ADAM32: variants seen among roughly 807,000 people sequenced by gnomAD.
ADAM32 encodes the protein ADAM metallopeptidase domain 32.
In ADAM32, 89 loss-of-function variants were observed where a neutral mutation model predicts 114.9. The observed-to-expected ratio is 0.77, with a 90% CI of 0.65 to 0.92. The LOEUF (loss-of-function observed/expected upper bound fraction) is 0.92. Among genes scored for constraint, ADAM32 ranks in the 40% least tolerant of loss-of-function variants. ADAM32 has a pLI of 0.00. For synonymous variants in ADAM32, 285 were observed against 307.5 expected, an observed-to-expected ratio of 0.93 and a Z score of 0.77; for missense variants, 870 against 932.8, an observed-to-expected ratio of 0.93 and a Z score of 0.88.
At chr8:39,161,229 C>T (rs1292586888) in intron 7 of ADAM32, among the ~76,000 whole-genome samples, 1 of 152,216 alleles carries the variant, frequency 6.6e-6, no homozygotes, top group African/African-American at 2.4e-5. Context: ...TAGAGTCCCT[C>T]TCAATCCATA....
chr8:39,220,018 G>T (rs1808843418), intron 12 of ADAM32, among the ~76,000 whole-genome samples: 1 of 152,024 alleles, frequency 6.6e-6, no homozygotes, highest in Non-Finnish European at 1.5e-5. Context: ...TTTCTGTCTT[G>T]GTGATCTGTC....
At chr8:39,237,495 GCA>G (rs1358356056) in intron 16 of ADAM32, among the ~76,000 whole-genome samples, 1 of 152,134 alleles carries the variant, frequency 6.6e-6, no homozygotes, top group Non-Finnish European at 1.5e-5. Context: ...TCAGCCCTGT[GCA>G]CCAGAGGCCT....
chr8:39,227,595 G>A (rs991953216), intron 14 of ADAM32, among the ~76,000 whole-genome samples: 2 of 152,130 alleles, frequency 1.3e-5, no homozygotes, highest in East Asian at 3.9e-4. Flanking sequence ...TGACTCAGCA[G>A]AGGCAGCCAT....
intron 2 of ADAM32, among the ~76,000 whole-genome samples, chr8:39,125,288 T>TA (rs1802046975): frequency 6.6e-6 from 1 of 152,050 alleles, no homozygotes; most frequent in Non-Finnish European, 1.5e-5. Flanking sequence ...TTTGTCTTGC[T>TA]AGGTTTTGGA....
rs1024126939 is a variant in ADAM32 at position 39,111,121 on chromosome 8, C to T, written c.58+3288C>T. On this transcript the variant is annotated intron_variant, in intron 1 of 24. Transcript: ENST00000379907. The stretch of plus-strand genomic sequence containing the variant: ...TAATATTTCATTGTATATATTCACC[C>T]GTTTGTTTACTGATTCATCAGTTGA... Among the ~76,000 whole-genome samples, 6 of 152,122 alleles carry T rather than the reference C, an allele frequency of 3.9e-5. No individual in the cohort carries two copies. In the East Asian group the frequency reaches 7.7e-4, roughly 20 times the overall value.
intron 2 of ADAM32, among the ~76,000 whole-genome samples, chr8:39,123,027 T>C (rs1421506699): frequency 6.6e-6 from 1 of 152,248 alleles, no homozygotes; most frequent in African/African-American, 2.4e-5. Flanking sequence ...TAAACTTTTG[T>C]ATATGGTGTG....
At chr8:39,130,710 TG>T (rs1189343459) in intron 2 of ADAM32, 1 of 278,976 alleles carries the variant, frequency 3.6e-6, no homozygotes, top group East Asian at 1.2e-4. Context: ...TCCTAGGTTT[TG>T]TCTCTTGTTG....
At chr8:39,142,464 C>A (rs956877839) in intron 3 of ADAM32, among the ~76,000 whole-genome samples, 46 of 152,168 alleles carry the variant, frequency 3.0e-4, no homozygotes, top group Non-Finnish European at 5.6e-4. Context: ...ACTTATGAAG[C>A]TTAATTTGGC....
chr8:39,179,581 G>C (rs1197280598), intron 10 of ADAM32, among the ~76,000 whole-genome samples: 1 of 152,144 alleles, frequency 6.6e-6, no homozygotes, highest in Non-Finnish European at 1.5e-5. Flanking sequence ...TGGTGACATG[G>C]GCTCATGAGG....
chr8:39,137,762 C>T (rs1328382337), intron 3 of ADAM32, among the ~76,000 whole-genome samples: 3 of 97,062 alleles, frequency 3.1e-5, no homozygotes, highest in Admixed American at 2.7e-4. Context: ...CAGAGTGAGA[C>T]ACTGTCTCAA....
chr8:39,160,860 T>G, intron 6 of ADAM32, 37 bp from the exon 7 acceptor site: 1 of 1,508,402 alleles, frequency 6.6e-7, no homozygotes, highest in Non-Finnish European at 8.9e-7. Context: ...AATTATGAAA[T>G]TTTTCATGTA....
rs1014364069 is a variant in ADAM32 at position 39,269,373 on chromosome 8, T to C, written c.2163-1503T>C. ...GTGAAATCAATTGTTTTATACATTTTGTCTGTATTTTTAGACATTCTGGCA... is the reference window on the plus strand; with the variant it reads ...GTGAAATCAATTGTTTTATACATTTCGTCTGTATTTTTAGACATTCTGGCA... On this transcript the variant is annotated intron_variant, in intron 19 of 24. Coordinates refer to ENST00000379907, the MANE Select transcript of ADAM32 (RefSeq NM_145004.7). Among the ~76,000 whole-genome samples, 46 of 152,368 alleles carry C rather than the reference T, an allele frequency of 3.0e-4. 1 individual carries two copies. The highest frequency in any genetic ancestry group is 9.9e-4 in the African/African-American group (41 of 41,586).
At position 39,254,973 on chromosome 8, in the gene ADAM32, C is replaced by T. The variant is rs1811553073; in HGVS notation, c.2005+457C>T. 2.6e-5 allele frequency among the ~76,000 whole-genome samples: 4 copies of T among 151,790 alleles called. No homozygotes were observed. In the South Asian group the frequency reaches 8.3e-4, roughly 31 times the overall value. ...TGAGAACATATGATATTTGGTTTTC[C>T]ATTCTTCAAGTGAAGAGTTACTTCA... On this transcript the variant is annotated intron_variant, in intron 18 of 24. Coordinates refer to ENST00000379907, the MANE Select transcript of ADAM32 (RefSeq NM_145004.7).
chr8:39,142,731 T>C (rs1803242921), intron 3 of ADAM32, among the ~76,000 whole-genome samples: 1 of 152,224 alleles, frequency 6.6e-6, no homozygotes, highest in Admixed American at 6.5e-5. Context: ...TTGTATTTTC[T>C]GAATTTGAAT....
intron 16 of ADAM32, among the ~76,000 whole-genome samples, chr8:39,236,620 C>A (rs928073718): frequency 6.6e-6 from 1 of 152,176 alleles, no homozygotes; most frequent in African/African-American, 2.4e-5. Flanking sequence ...TAACCTACAT[C>A]AGCGTGGTAC....
chr8:39,259,087 G>A (rs1182069512), intron 19 of ADAM32, among the ~76,000 whole-genome samples: 1 of 151,596 alleles, frequency 6.6e-6, no homozygotes, highest in Non-Finnish European at 1.5e-5. Flanking sequence ...ATGCTCATAT[G>A]CTTAATCCAT....
chr8:39,169,714 AAG>A, intron 9 of ADAM32, 200 bp from the exon 10 acceptor site: 2 of 421,084 alleles, frequency 4.7e-6, no homozygotes, highest in Non-Finnish European at 4.2e-6. Flanking sequence ...TTCAGATATC[AAG>A]AGTGTTTAAT....
intron 19 of ADAM32, among the ~76,000 whole-genome samples, chr8:39,258,991 T>A (rs1811839638): frequency 6.6e-6 from 1 of 152,056 alleles, no homozygotes; most frequent in African/African-American, 2.4e-5. Context: ...TGGTACAACT[T>A]TTTTCGTTTT....
At chr8:39,267,136 G>C (rs1452012187) in intron 19 of ADAM32, among the ~76,000 whole-genome samples, 2 of 152,218 alleles carry the variant, frequency 1.3e-5, no homozygotes, top group African/African-American at 2.4e-5. Flanking sequence ...GTGCAGGCAG[G>C]GTAGGTGGGG....
Sources: gnomAD v4.1 joint callset for allele counts (sites outside exome capture counted in the v4.1 genomes callset) on GRCh38, gnomAD v4.1.1 for gene constraint, MANE v1.5 for transcripts, NCBI Gene and HGNC (gene_info 2026-07-23, HGNC 2026-07-21) for gene names.